Variants in AUTS2 observed in about 807,000 individuals in gnomAD.
The protein encoded by AUTS2 is autism susceptibility gene 2 protein.
In AUTS2, 17 loss-of-function variants were observed where a neutral mutation model predicts 112.4. That is an observed-to-expected ratio of 0.15 (90% CI 0.10 to 0.23). The LOEUF (loss-of-function observed/expected upper bound fraction) is 0.23, where lower values mean the gene tolerates loss of function less well. Among genes scored for constraint, AUTS2 ranks in the 10% least tolerant of loss-of-function variants. The pLI is 1.00. For missense variants in AUTS2, 1,510 were observed against 1,701.6 expected, an observed-to-expected ratio of 0.89 and a Z score of 1.98; for synonymous variants, 751 against 702.7, an observed-to-expected ratio of 1.07 and a Z score of -1.09.
chr7:70,712,644 C>A (rs770125866), intron 6 of AUTS2, among the ~76,000 whole-genome samples: 10 of 152,154 alleles, frequency 6.6e-5, no homozygotes, highest in Non-Finnish European at 1.5e-4. Flanking sequence ...CCAGGTAGTT[C>A]TAATGCAGAC....
chr7:70,739,643 T>C (rs924878055), intron 6 of AUTS2, among the ~76,000 whole-genome samples: 2 of 152,044 alleles, frequency 1.3e-5, no homozygotes, highest in African/African-American at 4.8e-5. Context: ...ATCTTTTGTT[T>C]GGAGGACCAT....
chr7:70,208,029 A>G (rs976590913), intron 4 of AUTS2, among the ~76,000 whole-genome samples: 3 of 151,338 alleles, frequency 2.0e-5, no homozygotes, highest in Non-Finnish European at 4.4e-5. Flanking sequence ...AAAAAAAAAA[A>G]AAAAACCAAC....
At chr7:70,776,786 G>A (rs751276163) in intron 13 of AUTS2, 6 of 401,870 alleles carry the variant, frequency 1.5e-5, no homozygotes, top group Non-Finnish European at 2.3e-5. Flanking sequence ...TCTGCCAGCT[G>A]GCAGCAGAAA....
chr7:70,699,590 A>G (rs538090878), intron 6 of AUTS2: 1 of 152,296 alleles, frequency 6.6e-6, no homozygotes, highest in Admixed American at 6.5e-5. Flanking sequence ...ATTTGAACCA[A>G]TTGCAATTTT....
At position 70,080,695 on chromosome 7, in the gene AUTS2, G is replaced by A. The variant is rs947415022; in HGVS notation, c.523-37437G>A. ...ACAATCCAAATGAGAATGTAGCTCT[G>A]TGTCTTAAGGTAGTGATGATCTTGT... On this transcript the variant is annotated intron_variant, in intron 2 of 18. Transcript: ENST00000342771. 3.9e-5 allele frequency among the ~76,000 whole-genome samples: 6 copies of A among 152,172 alleles called. No individual in the cohort carries two copies. The East Asian group carries it at 1.2e-3, about 29-fold the overall frequency.
At chr7:69,947,263 A>G (rs12113078) in intron 2 of AUTS2, among the ~76,000 whole-genome samples, 2,353 of 152,280 alleles carry the variant, frequency 0.015, 63 homozygotes, top group African/African-American at 0.05. Context: ...GTGCTTTGGC[A>G]GTTCAGTGCT....
In AUTS2 at chr7:70,777,893, C is replaced by G. The variant is rs1420253488; in HGVS notation, c.2004+719C>G. 2.6e-5 allele frequency among the ~76,000 whole-genome samples: 4 copies of G among 152,252 alleles called. No individual in the cohort carries two copies. In the East Asian group the frequency reaches 7.7e-4, roughly 29 times the overall value. Reference sequence around the variant, plus strand: ...GTTTGGGTTTTTGTAAAAATAGTGACTGGTGCATTCTTTTCATTTTATGGC... The same window carrying G: ...GTTTGGGTTTTTGTAAAAATAGTGAGTGGTGCATTCTTTTCATTTTATGGC... On this transcript the variant is annotated intron_variant, in intron 14 of 18. Transcript: ENST00000342771.
At chr7:70,588,051 G>A (rs1174154344) in intron 5 of AUTS2, among the ~76,000 whole-genome samples, 3 of 152,074 alleles carry the variant, frequency 2.0e-5, no homozygotes, top group Non-Finnish European at 4.4e-5. Context: ...ACAACACCTC[G>A]GCCAACTTTG....
intron 1 of AUTS2, among the ~76,000 whole-genome samples, chr7:69,678,186 C>G (rs1437994279): frequency 6.6e-6 from 1 of 151,906 alleles, no homozygotes; most frequent in Non-Finnish European, 1.5e-5. Flanking sequence ...AAAACTCGTC[C>G]CCTGCTTGAT....
chr7:70,163,360 A>AGGGGGGGGGGGGGGGGGGGGG (rs1562753323), intron 4 of AUTS2, among the ~76,000 whole-genome samples: 2 of 2,464 alleles, frequency 8.1e-4, no homozygotes, highest in African/African-American at 1.1e-3. Context: ...GGGGGGGGGC[A>AGGGGGGGGGGGGGGGGGGGGG]GAGGGGGAGG....
chr7:69,907,710 G>A (rs1795202135), intron 2 of AUTS2, among the ~76,000 whole-genome samples: 1 of 152,194 alleles, frequency 6.6e-6, no homozygotes, highest in African/African-American at 2.4e-5. Flanking sequence ...TCATATTCAA[G>A]TTCTTACATA....
intron 4 of AUTS2, among the ~76,000 whole-genome samples, chr7:70,419,530 G>C (rs1795127250): frequency 6.6e-6 from 1 of 152,146 alleles, no homozygotes; most frequent in African/African-American, 2.4e-5. Context: ...TGTGCTGACA[G>C]TAGCCATATA....
Position 70,792,506 on chromosome 7 carries a change from AAG to A in AUTS2, c.*1511_*1512del, listed in dbSNP as rs1245889193. ...TTTTTGCAAAAAAAAAAAAAAAAAA[AAG>A]TTAACTACAGACCATTGTTTCTAAT... On this transcript the variant is annotated 3_prime_UTR_variant, in exon 19 of 19. Coordinates refer to ENST00000342771, the MANE Select transcript of AUTS2 (RefSeq NM_015570.4). 1 of 151,364 alleles carries A rather than the reference AAG, an allele frequency of 6.6e-6. No individual in the cohort carries two copies. The highest frequency in any genetic ancestry group is 2.4e-5 in the African/African-American group (1 of 41,010). The allele number at this position is 151,364 out of a possible 1,614,324, so 9.4% of individuals were successfully genotyped here. A position where few individuals can be genotyped will look rare whatever the true frequency, so the allele number is the denominator to read the frequency against.
chr7:70,321,932 T>G (rs1304491475), intron 4 of AUTS2, among the ~76,000 whole-genome samples: 1 of 152,216 alleles, frequency 6.6e-6, no homozygotes, highest in Non-Finnish European at 1.5e-5. Context: ...CCTGAAAAAC[T>G]TACTTGGTCA....
intron 2 of AUTS2, among the ~76,000 whole-genome samples, chr7:69,965,580 A>G (rs1238882963): frequency 2.6e-5 from 4 of 152,200 alleles, no homozygotes; most frequent in Admixed American, 2.6e-4. Flanking sequence ...GTTACAGCTC[A>G]GTGCCAATCT....
chr7:69,800,045 C>T (rs901211240), intron 1 of AUTS2, among the ~76,000 whole-genome samples: 3 of 152,138 alleles, frequency 2.0e-5, no homozygotes, highest in Non-Finnish European at 2.9e-5. Flanking sequence ...GTGTCAGTAA[C>T]CTTATGTATG....
At chr7:69,909,283 T>C (rs1005840247) in intron 2 of AUTS2, among the ~76,000 whole-genome samples, 1 of 152,242 alleles carries the variant, frequency 6.6e-6, no homozygotes, top group African/African-American at 2.4e-5. Context: ...TCAAAATAGC[T>C]ACTTTTTCTA....
intron 6 of AUTS2, among the ~76,000 whole-genome samples, chr7:70,718,818 A>G (rs1247193279): frequency 6.6e-6 from 1 of 152,062 alleles, no homozygotes; most frequent in East Asian, 1.9e-4. Context: ...GCATTGGTAT[A>G]TCTTTTTGGT....
intron 2 of AUTS2, among the ~76,000 whole-genome samples, chr7:70,070,879 A>C (rs1413679838): frequency 1.4e-5 from 2 of 147,670 alleles, no homozygotes; most frequent in East Asian, 3.9e-4. Context: ...CTCCATCTGA[A>C]AAAAAAAAAA....
Sources: gnomAD v4.1 joint callset for allele counts (sites outside exome capture counted in the v4.1 genomes callset) on GRCh38, gnomAD v4.1.1 for gene constraint, MANE v1.5 for transcripts, NCBI Gene and HGNC (gene_info 2026-07-23, HGNC 2026-07-21) for gene names.